The following SIK2 variants were observed in gnomAD, a reference collection of about 807,000 sequenced individuals.
SIK2 encodes salt inducible kinase 2.
A neutral mutation model predicts 103.2 loss-of-function variants in SIK2; 29 were observed. That is an observed-to-expected ratio of 0.28 (90% CI 0.21 to 0.38). The LOEUF is 0.38. Ranked by LOEUF, SIK2 falls within the 10% of genes least tolerant of loss-of-function variation. The pLI is 1.00. For missense variants in SIK2, 879 were observed against 1,171.0 expected, an observed-to-expected ratio of 0.75 and a Z score of 3.64; for synonymous variants, 412 against 446.1, an observed-to-expected ratio of 0.92 and a Z score of 0.96.
intron 3 of SIK2, 123 bp from the exon 4 acceptor site, chr11:111,687,878 T>C (rs954928827): frequency 1.1e-5 from 10 of 926,218 alleles, no homozygotes; most frequent in Non-Finnish European, 1.6e-5. Flanking sequence ...GTGCTGGGAC[T>C]ACAGGCATGA....
rs537182618 is a variant in SIK2 at position 111,709,763 on chromosome 11, G to A, written c.1102-2448G>A. Among the ~76,000 whole-genome samples the A allele has an allele frequency of 2.6e-5, 4 of 152,264 alleles. No homozygotes were observed. In the South Asian group the frequency reaches 8.3e-4, roughly 32 times the overall value. On this transcript the variant is annotated intron_variant, in intron 8 of 14. Coordinates refer to ENST00000304987, the MANE Select transcript of SIK2 (RefSeq NM_015191.3). ...TCCTAAAACCCACCATATTTCCTAG[G>A]AAGTGATTGTCACAACAAAAAGCGT...
chr11:111,671,572 T>C, intron 3 of SIK2: 2 of 327,542 alleles, frequency 6.1e-6, no homozygotes, highest in Non-Finnish European at 5.8e-6. Context: ...CTGGCTGTGA[T>C]TGGAGATGTC....
intron 2 of SIK2, among the ~76,000 whole-genome samples, chr11:111,618,654 A>G (rs1565311048): frequency 6.6e-6 from 1 of 152,196 alleles, no homozygotes; most frequent in Non-Finnish European, 1.5e-5. Context: ...AGCCTGGATA[A>G]CACAGAGATC....
chr11:111,628,450 C>CT (rs981499606), intron 3 of SIK2, among the ~76,000 whole-genome samples: 1 of 139,938 alleles, frequency 7.1e-6, no homozygotes, highest in South Asian at 2.2e-4. Context: ...TTCTTTCTTT[C>CT]TTTTTTGAGA....
At chr11:111,657,329 A>G (rs1942404147) in intron 3 of SIK2, among the ~76,000 whole-genome samples, 1 of 152,032 alleles carries the variant, frequency 6.6e-6, no homozygotes, top group African/African-American at 2.4e-5. Context: ...GCATATGTTT[A>G]CTCTGATTCA....
At chr11:111,671,403 G>T in intron 3 of SIK2, 1 of 247,396 alleles carries the variant, frequency 4.0e-6, no homozygotes, top group East Asian at 1.2e-4. Flanking sequence ...AGCATCTGAT[G>T]GCAGCCTCCA....
chr11:111,703,689 C>G (rs1300642016), intron 7 of SIK2, among the ~76,000 whole-genome samples: 2 of 152,138 alleles, frequency 1.3e-5, no homozygotes, highest in East Asian at 3.9e-4. Flanking sequence ...TTAACAAATA[C>G]AAGGTAGAAA....
At chr11:111,713,193 AG>A (rs1943549242) in intron 9 of SIK2, among the ~76,000 whole-genome samples, 1 of 79,462 alleles carries the variant, frequency 1.3e-5, no homozygotes, top group Non-Finnish European at 3.4e-5. Context: ...TAAAAATAAA[AG>A]TTAGTATGTG....
In SIK2 at chr11:111,727,197, G is replaced by A. The variant is rs770113498; in HGVS notation, c.*3068G>A. On this transcript the variant is annotated 3_prime_UTR_variant, in exon 15 of 15. Coordinates refer to ENST00000304987, the MANE Select transcript of SIK2 (RefSeq NM_015191.3). ...GTCACCGTGGGAAAAGGAGGCTGAT[G>A]GTTCTCTACACCATCCACCTTGAGA... is the stretch of plus-strand genomic sequence containing the variant. 2.1e-4 allele frequency: 147 copies of A among 701,636 alleles called. 1 individual carries two copies. Among genetic ancestry groups the A allele is most frequent in the Non-Finnish European group, 3.5e-4 (139 of 400,168 alleles). 43.5% of individuals were successfully genotyped at this position (701,636 alleles called of 1,614,324 possible).
intron 3 of SIK2, among the ~76,000 whole-genome samples, chr11:111,663,675 T>C (rs773350235): frequency 7.2e-5 from 11 of 152,038 alleles, no homozygotes; most frequent in Non-Finnish European, 1.5e-4. Context: ...GTTAGGAGCA[T>C]TGCCACAGTC....
chr11:111,706,959 CA>C (rs763828886), intron 8 of SIK2, among the ~76,000 whole-genome samples: 290 of 52,114 alleles, frequency 5.6e-3, no homozygotes, highest in African/African-American at 0.01. Flanking sequence ...GACTCCGTCT[CA>C]AAAAAAAAAA....
In SIK2 at chr11:111,723,626, C is replaced by T. The variant is rs765575944; in HGVS notation, c.2278C>T (p.Pro760Ser). 2.4e-5 allele frequency: 38 copies of T among 1,613,662 alleles called. No homozygotes were observed. The Admixed American group carries it at 5.8e-4, about 25-fold the overall frequency. Residue 760 changes from proline to serine, a missense_variant, in exon 15 of 15, where the codon CCG becomes TCG. Around this residue, in one of 7 missense-constraint regions of SIK2, gnomAD observed 375 missense variants for 416.3 expected, o/e 0.90. Transcript: ENST00000304987. ...GCCCCTTCCCCGCCAGGAGACTCCA[C>T]CGCCTTCTCAGCAGGCCCCACCGTT... The part of the protein sequence containing the change: ...QLPLPRQETP[P>S]PSQQAPPFSL...
At chr11:111,635,995 G>T (rs564352097) in intron 3 of SIK2, among the ~76,000 whole-genome samples, 2 of 152,180 alleles carry the variant, frequency 1.3e-5, no homozygotes, top group Admixed American at 6.5e-5. Flanking sequence ...CTAGTTTTCT[G>T]TTTCTTTCAG....
Position 111,724,891 on chromosome 11 carries a change from A to T in SIK2, c.*762A>T, listed in dbSNP as rs1223845537. 6.6e-6 allele frequency: 1 copy of T among 152,340 alleles called. No homozygotes were observed. The highest frequency in any genetic ancestry group is 6.5e-5 in the Admixed American group (1 of 15,284). The allele number at this position is 152,340 out of a possible 1,614,324, so 9.4% of individuals were successfully genotyped here. On this transcript the variant is annotated 3_prime_UTR_variant, in exon 15 of 15. Transcript: ENST00000304987. The stretch of plus-strand genomic sequence containing the variant: ...ACAGGAGACCCGCCACCGTGGAGGC[A>T]GGGGGCAAGAAACTCAAGAACGCAT...
At chr11:111,617,859 TATACAC>T (rs959084307) in intron 2 of SIK2, among the ~76,000 whole-genome samples, 12 of 150,908 alleles carry the variant, frequency 8.0e-5, no homozygotes, top group African/African-American at 2.9e-4. Context: ...TGTATATATA[TATACAC>T]ACACACACAC....
intron 6 of SIK2, among the ~76,000 whole-genome samples, chr11:111,702,536 T>C (rs1166892662): frequency 6.6e-6 from 1 of 152,182 alleles, no homozygotes; most frequent in Admixed American, 6.5e-5. Flanking sequence ...ATTACTGCAC[T>C]CCATCCTGGG....
intron 1 of SIK2, among the ~76,000 whole-genome samples, chr11:111,610,104 A>G (rs572762094): frequency 1.3e-5 from 2 of 152,344 alleles, no homozygotes; most frequent in African/African-American, 4.8e-5. Flanking sequence ...CTGTGGATTT[A>G]TAGAACCCAA....
intron 1 of SIK2, among the ~76,000 whole-genome samples, chr11:111,614,084 C>CT (rs1453037759): frequency 4.7e-4 from 52 of 111,534 alleles, no homozygotes; most frequent in Non-Finnish European, 9.2e-4. Flanking sequence ...ACTCTCCCCC[C>CT]ATTTTTTTTT....
At chr11:111,674,769 C>T (rs1386197979) in intron 3 of SIK2, among the ~76,000 whole-genome samples, 9 of 148,632 alleles carry the variant, frequency 6.1e-5, no homozygotes, top group Non-Finnish European at 8.9e-5. Flanking sequence ...TTTTTTGAGA[C>T]GGAGTCTCGT....
Sources: gnomAD v4.1 joint callset for allele counts (sites outside exome capture counted in the v4.1 genomes callset) on GRCh38, gnomAD v4.1.1 for gene constraint, gnomAD v4.1.1 regional missense constraint, MANE v1.5 for transcripts, NCBI Gene and HGNC (gene_info 2026-07-23, HGNC 2026-07-21) for gene names.